RYK: variants seen among roughly 807,000 people sequenced by gnomAD.
RYK encodes receptor like tyrosine kinase.
A neutral mutation model predicts 70.2 loss-of-function variants in RYK; 21 were observed. That is an observed-to-expected ratio of 0.30 (90% confidence interval 0.21 to 0.43). The LOEUF (loss-of-function observed/expected upper bound fraction) is 0.43. Ranked by LOEUF, RYK falls within the 20% of genes least tolerant of loss-of-function variation. The pLI is 1.00. For missense variants in RYK, 604 were observed against 753.3 expected, an observed-to-expected ratio of 0.80 and a Z score of 2.32; for synonymous variants, 267 against 278.0, an observed-to-expected ratio of 0.96 and a Z score of 0.39.
intron 6 of RYK, among the ~76,000 whole-genome samples, chr3:134,200,213 C>T (rs112749026): frequency 0.016 from 2,429 of 152,256 alleles, 30 homozygotes; most frequent in Middle Eastern, 0.062. Context: ...CTGCTGCTCA[C>T]TCTTTGGGTC....
intron 6 of RYK, 194 bp from the exon 7 acceptor site, chr3:134,195,376 T>A (rs1470969307): frequency 2.3e-5 from 11 of 473,350 alleles, no homozygotes; most frequent in Non-Finnish European, 3.7e-5. Context: ...TTCATTTCTA[T>A]CTCCAAAATC....
chr3:134,246,740 TCC>T, intron 1 of RYK, among the ~76,000 whole-genome samples: 1 of 152,276 alleles, frequency 6.6e-6, no homozygotes, highest in Middle Eastern at 3.4e-3. Flanking sequence ...GTAATTTATC[TCC>T]CATCATTCCT....
At chr3:134,216,470 G>C (rs536306222) in intron 2 of RYK, among the ~76,000 whole-genome samples, 2 of 152,146 alleles carry the variant, frequency 1.3e-5, no homozygotes, top group South Asian at 4.2e-4. Flanking sequence ...GCTACATTCT[G>C]GCAAATTTTC....
chr3:134,207,623 A>C, intron 4 of RYK, 98 bp from the exon 5 acceptor site: 1 of 733,696 alleles, frequency 1.4e-6, no homozygotes, highest in Non-Finnish European at 2.2e-6. Flanking sequence ...ACTCAGCAAC[A>C]GGTATGTGTT....
intron 2 of RYK, among the ~76,000 whole-genome samples, chr3:134,217,138 G>C (rs1560020520): frequency 6.6e-6 from 1 of 152,202 alleles, no homozygotes; most frequent in Non-Finnish European, 1.5e-5. Context: ...CAGAAGCTGT[G>C]ATATGTGAAA....
chr3:134,171,490 T>G (rs1010476472), intron 13 of RYK, among the ~76,000 whole-genome samples: 1 of 152,218 alleles, frequency 6.6e-6, no homozygotes, highest in Non-Finnish European at 1.5e-5. Flanking sequence ...ACAAAATATT[T>G]AATCATAAAT....
rs1176672465 is a variant in RYK, at chr3:134,250,855, G to C, written c.-201C>G. ...TCCTCGCTGCATCGTCCGGAGTTGGGGGCTGCCCGCGGGACGCGCCCGTGC... is the reference window on the plus strand; with the variant it reads ...TCCTCGCTGCATCGTCCGGAGTTGGCGGCTGCCCGCGGGACGCGCCCGTGC... On this transcript the variant is annotated 5_prime_UTR_variant, in exon 1 of 15. Coordinates refer to ENST00000623711, the MANE Select transcript of RYK (RefSeq NM_002958.4). The C allele has an allele frequency of 1.3e-5, 2 of 158,578 alleles. No individual in the cohort carries two copies. The highest frequency in any genetic ancestry group is 2.7e-5 in the Non-Finnish European group (2 of 73,920). 9.8% of individuals were successfully genotyped at this position (158,578 alleles called of 1,614,324 possible).
At chr3:134,249,999 G>C (rs2015570180) in intron 1 of RYK, among the ~76,000 whole-genome samples, 1 of 140,188 alleles carries the variant, frequency 7.1e-6, no homozygotes. Context: ...CCACAGCAAA[G>C]GGTTTGCAAG....
At chr3:134,210,166 A>T (rs1482294803) in intron 3 of RYK, among the ~76,000 whole-genome samples, 1 of 152,204 alleles carries the variant, frequency 6.6e-6, no homozygotes, top group African/African-American at 2.4e-5. Flanking sequence ...CTAAAACTGA[A>T]GGATCATAAG....
intron 6 of RYK, among the ~76,000 whole-genome samples, chr3:134,195,613 G>C (rs1018386708): frequency 3.3e-5 from 5 of 152,208 alleles, no homozygotes; most frequent in Admixed American, 6.5e-5. Flanking sequence ...GATAAAGAAA[G>C]AGCAAACCAA....
At chr3:134,201,745 C>T (rs1022400779) in intron 6 of RYK, among the ~76,000 whole-genome samples, 6 of 151,956 alleles carry the variant, frequency 3.9e-5, no homozygotes, top group African/African-American at 1.2e-4. Context: ...TTGACTGGAG[C>T]GCAAGTAAGG....
Position 134,197,941 on chromosome 3 carries a change from A to G in RYK, c.789-2759T>C, listed in dbSNP as rs568611973. Among the ~76,000 whole-genome samples, 124 of 152,346 alleles carry G rather than the reference A, an allele frequency of 8.1e-4. 1 individual carries two copies. The highest frequency in any genetic ancestry group is 1.6e-3 in the Admixed American group (25 of 15,302). On this transcript the variant is annotated intron_variant, in intron 6 of 14. Transcript: ENST00000623711. ...ACAGGGACATCTATGTCAATTTTTC[A>G]TTCCCTCAACAGATATTAAGTGGGT...
intron 13 of RYK, among the ~76,000 whole-genome samples, chr3:134,162,297 C>A (rs530784336): frequency 6.6e-6 from 1 of 151,210 alleles, no homozygotes; most frequent in East Asian, 1.9e-4. Flanking sequence ...CCCAACCCTA[C>A]GTAAACTTTC....
At chr3:134,225,244 C>A (rs376792283) in intron 1 of RYK, among the ~76,000 whole-genome samples, 1 of 152,040 alleles carries the variant, frequency 6.6e-6, no homozygotes, top group African/African-American at 2.4e-5. Context: ...TTTTTTCTTA[C>A]GTCTGGGTCT....
chr3:134,218,649 G>T (rs1045376355), intron 2 of RYK, among the ~76,000 whole-genome samples: 2 of 152,188 alleles, frequency 1.3e-5, no homozygotes, highest in African/African-American at 4.8e-5. Flanking sequence ...TGGCTAGATA[G>T]GAGGCAGAAA....
At chr3:134,159,115 T>C (rs1322889853) in intron 14 of RYK, 122 bp downstream of exon 14, 1 of 1,060,808 alleles carries the variant, frequency 9.4e-7, no homozygotes, top group East Asian at 2.6e-5. Flanking sequence ...CTAATTTAAA[T>C]CCAAAGAGTC....
intron 2 of RYK, among the ~76,000 whole-genome samples, chr3:134,218,899 G>T (rs915656284): frequency 2.6e-5 from 4 of 151,992 alleles, no homozygotes; most frequent in Non-Finnish European, 5.9e-5. Flanking sequence ...TTATTAGAGA[G>T]AATCAACTAG....
chr3:134,204,688 G>A (rs1401790715), intron 5 of RYK, among the ~76,000 whole-genome samples: 1 of 151,640 alleles, frequency 6.6e-6, no homozygotes, highest in African/African-American at 2.4e-5. Context: ...CAGGCAGAGT[G>A]GAAGATGCAA....
Position 134,250,583 on chromosome 3 carries a change from CGGGGCCCTCA to C in RYK, c.62_71del (p.Leu21ArgfsTer41). ...GCAGAAGCAGCAGCGGCGGCGGCGG[CGGGGCCCTCA>C]GGCCGCGGGCCCCCGGGAGGCAACT... On this transcript the variant is annotated frameshift_variant, in exon 1 of 15. Transcript: ENST00000623711. LOFTEE classifies it high-confidence loss of function. 1 of 1,043,640 alleles carries C rather than the reference CGGGGCCCTCA, an allele frequency of 9.6e-7. No individual in the cohort carries two copies. The highest frequency in any genetic ancestry group is 1.7e-5 in the African/African-American group (1 of 58,668). The allele number at this position is 1,043,640 out of a possible 1,614,324, so 64.6% of individuals were successfully genotyped here.
Sources: allele counts gnomAD v4.1 joint callset (sites outside exome capture counted in the v4.1 genomes callset), GRCh38; gene constraint gnomAD v4.1.1; transcripts MANE v1.5; gene names NCBI Gene and HGNC (gene_info 2026-07-23, HGNC 2026-07-21).